GDA: variants seen among roughly 807,000 people sequenced by gnomAD.
GDA encodes guanine deaminase, also known as cytoplasmic PSD-95 interactor.
A neutral mutation model predicts 59.6 loss-of-function variants in GDA; 18 were observed. That is an observed-to-expected ratio of 0.30 (90% confidence interval 0.21 to 0.45). The LOEUF (loss-of-function observed/expected upper bound fraction) is 0.45. Among genes scored for constraint, GDA ranks in the 20% least tolerant of loss-of-function variants. The probability of loss-of-function intolerance (pLI) is 1.00; values close to 1 mark genes in which losing one functional copy is unlikely to be tolerated. For missense variants in GDA, 427 were observed against 552.3 expected, an observed-to-expected ratio of 0.77 and a Z score of 2.27; for synonymous variants, 201 against 201.1, an observed-to-expected ratio of 1.00 and a Z score of 0.00.
rs146800368 is a variant in GDA at position 72,176,647 on chromosome 9, C to G, written c.124-18853C>G. 2.2e-4 allele frequency among the ~76,000 whole-genome samples: 33 copies of G among 152,206 alleles called. No homozygotes were observed. The East Asian group carries it at 6.2e-3, about 29-fold the overall frequency. On this transcript the variant is annotated intron_variant, in intron 1 of 13. Coordinates refer to ENST00000358399, the MANE Select transcript of GDA (RefSeq NM_004293.5). ...GTGAGTCAGTGAATTCCACTTATATCCAGTGTTAATTGTTAGAAGCTTTTT... is the reference window on the plus strand; with the variant it reads ...GTGAGTCAGTGAATTCCACTTATATGCAGTGTTAATTGTTAGAAGCTTTTT...
At chr9:72,158,512 G>A (rs952319791) in intron 1 of GDA, among the ~76,000 whole-genome samples, 1 of 151,624 alleles carries the variant, frequency 6.6e-6, no homozygotes, top group Non-Finnish European at 1.5e-5. Context: ...AGAATCCCTT[G>A]AACCCGGGAG....
chr9:72,195,337 C>CTTTTTT lies in GDA; in HGVS notation c.124-150_124-145dup, dbSNP rs55634274. 1.4e-4 allele frequency among the ~76,000 whole-genome samples: 17 copies of CTTTTTT among 119,562 alleles called. 1 individual carries two copies. The highest frequency in any genetic ancestry group is 5.4e-4 in the South Asian group (2 of 3,674). 78.4% of individuals were successfully genotyped at this position (119,562 alleles called of 152,430 possible). ...TGGATGACCAAAAGCAAACACCTGT[C>CTTTTTT]TTTTTTTTTTTTTTTTTTGCCTCTA... is the stretch of plus-strand genomic sequence containing the variant. On this transcript the variant is annotated intron_variant, in intron 1 of 13. Coordinates refer to ENST00000358399, the MANE Select transcript of GDA (RefSeq NM_004293.5).
At chr9:72,136,604 G>A (rs1333327763) in intron 1 of GDA, among the ~76,000 whole-genome samples, 1 of 152,180 alleles carries the variant, frequency 6.6e-6, no homozygotes, top group Non-Finnish European at 1.5e-5. Flanking sequence ...GAGAATACTG[G>A]TTTATTCTTG....
At chr9:72,206,275 T>C (rs1007411892) in intron 3 of GDA, among the ~76,000 whole-genome samples, 8 of 152,190 alleles carry the variant, frequency 5.3e-5, no homozygotes, top group Admixed American at 5.2e-4. Flanking sequence ...TATTCTCCCA[T>C]ATGGTAAGAC....
chr9:72,179,209 A>G (rs897506088), intron 1 of GDA, among the ~76,000 whole-genome samples: 1 of 152,180 alleles, frequency 6.6e-6, no homozygotes, highest in Admixed American at 6.5e-5. Flanking sequence ...GTGCCATCAG[A>G]TGCCTTTCTG....
intron 11 of GDA, 140 bp from the exon 12 acceptor site, chr9:72,245,008 G>A: frequency 6.8e-6 from 5 of 736,058 alleles, no homozygotes; most frequent in African/African-American, 1.7e-5. Context: ...GAATGAGAGT[G>A]ATTTTCTGTC....
intron 4 of GDA, 102 bp downstream of exon 4, chr9:72,210,876 T>C (rs546479025): frequency 1.4e-6 from 1 of 720,802 alleles, no homozygotes; most frequent in Admixed American, 2.1e-5. Flanking sequence ...GCCTTTTAAT[T>C]GCTAGAACAT....
chr9:72,154,852 A>AC (rs1435433848), intron 1 of GDA, among the ~76,000 whole-genome samples: 2 of 152,178 alleles, frequency 1.3e-5, no homozygotes, highest in Non-Finnish European at 2.9e-5. Context: ...GGGAGCTAAG[A>AC]CTTGTAGCTG....
intron 7 of GDA, among the ~76,000 whole-genome samples, chr9:72,225,314 G>A (rs1837414410): frequency 6.6e-6 from 1 of 152,116 alleles, no homozygotes; most frequent in African/African-American, 2.4e-5. Context: ...AGAAGAGGCA[G>A]GTTGCTAGGG....
Position 72,250,919 on chromosome 9 carries a change from C to A in GDA, c.*2577C>A. The A allele has an allele frequency of 1.7e-6, 2 of 1,193,698 alleles. No individual in the cohort carries two copies. The highest frequency in any genetic ancestry group is 2.5e-5 in the South Asian group (2 of 78,512). The allele number at this position is 1,193,698 out of a possible 1,614,324, so 73.9% of individuals were successfully genotyped here. ...AACCAGAACACAAAAGCAGGCTAGT[C>A]AGCTAAGGTAAATTTCATTTTCAAA... is the stretch of plus-strand genomic sequence containing the variant. On this transcript the variant is annotated 3_prime_UTR_variant, in exon 14 of 14. Coordinates refer to ENST00000358399, the MANE Select transcript of GDA (RefSeq NM_004293.5).
At chr9:72,208,355 G>C (rs919657515) in intron 3 of GDA, among the ~76,000 whole-genome samples, 4 of 152,218 alleles carry the variant, frequency 2.6e-5, no homozygotes, top group Non-Finnish European at 5.9e-5. Flanking sequence ...AAGAGCCACT[G>C]TCTGGAGGGT....
chr9:72,225,645 A>G (rs1328782976), intron 7 of GDA, 32 bp from the exon 8 acceptor site: 1 of 1,014,450 alleles, frequency 9.9e-7, no homozygotes, highest in South Asian at 1.5e-5. Flanking sequence ...ATTTTACAGA[A>G]GAAAAATGAA....
downstream of GDA, among the ~76,000 whole-genome samples, chr9:72,255,596 ACTTT>A (rs1840865454): frequency 6.6e-6 from 1 of 152,156 alleles, no homozygotes; most frequent in Non-Finnish European, 1.5e-5. Flanking sequence ...CAATTCATGA[ACTTT>A]CTTAGTGGAA....
chr9:72,137,935 A>C (rs1255875956), intron 1 of GDA, among the ~76,000 whole-genome samples: 1 of 152,182 alleles, frequency 6.6e-6, no homozygotes, highest in African/African-American at 2.4e-5. Context: ...CTTCTGGCCG[A>C]GTTAGGTCAA....
chr9:72,229,687 A>G (rs1450631953), intron 9 of GDA, among the ~76,000 whole-genome samples: 1 of 152,200 alleles, frequency 6.6e-6, no homozygotes, highest in Non-Finnish European at 1.5e-5. Flanking sequence ...AGCACAGGAG[A>G]GAGCTGAGAA....
intron 1 of GDA, among the ~76,000 whole-genome samples, chr9:72,122,034 G>A (rs1256235319): frequency 1.3e-5 from 2 of 152,130 alleles, no homozygotes; most frequent in African/African-American, 4.8e-5. Flanking sequence ...TATGTGTTGA[G>A]ATAGATCAGA....
intron 1 of GDA, among the ~76,000 whole-genome samples, chr9:72,158,790 T>C (rs573144321): frequency 1.3e-4 from 20 of 152,190 alleles, no homozygotes; most frequent in African/African-American, 4.8e-4. Flanking sequence ...GGAGAAAAGG[T>C]AACACTTACT....
chr9:72,187,899 A>G (rs1832055590), intron 1 of GDA, among the ~76,000 whole-genome samples: 1 of 152,246 alleles, frequency 6.6e-6, no homozygotes, highest in Admixed American at 6.5e-5. Flanking sequence ...CATCCTTGTT[A>G]TAAAGTAGCA....
chr9:72,201,192 A>AG (rs371187137), intron 2 of GDA, among the ~76,000 whole-genome samples: 16,848 of 131,118 alleles, frequency 0.13, 1,024 homozygotes, highest in Middle Eastern at 0.16. Flanking sequence ...AGTCACACAG[A>AG]ATTTTTTTTT....
Sources: allele counts gnomAD v4.1 joint callset (sites outside exome capture counted in the v4.1 genomes callset), GRCh38; gene constraint gnomAD v4.1.1; transcripts MANE v1.5; gene names NCBI Gene and HGNC (gene_info 2026-07-23, HGNC 2026-07-21).